Variants in KCNH7 observed in about 807,000 individuals in gnomAD.
KCNH7 encodes voltage-gated inwardly rectifying potassium channel KCNH7.
KCNH7 carries 49 observed loss-of-function variants against 120.8 expected under a neutral mutation model. That is an observed-to-expected ratio of 0.41 (90% confidence interval 0.32 to 0.51). The LOEUF (loss-of-function observed/expected upper bound fraction) is 0.51, where lower values mean the gene tolerates loss of function less well. Ranked by LOEUF, KCNH7 falls within the 20% of genes least tolerant of loss-of-function variation. The pLI is 0.38. For missense variants in KCNH7, 1,097 were observed against 1,446.6 expected (o/e 0.76, Z 3.92); for synonymous variants, 547 against 516.1 (o/e 1.06, Z -0.81).
intron 2 of KCNH7, among the ~76,000 whole-genome samples, chr2:162,704,037 A>T (rs1266076465): frequency 6.6e-6 from 1 of 152,144 alleles, no homozygotes; most frequent in Non-Finnish European, 1.5e-5. Flanking sequence ...TAATACTGTG[A>T]TTTCTGCTAC....
chr2:162,434,590 T>G (rs1055744540), intron 8 of KCNH7, among the ~76,000 whole-genome samples: 2 of 151,950 alleles, frequency 1.3e-5, no homozygotes, highest in Non-Finnish European at 2.9e-5. Context: ...ATGATGCTCA[T>G]GACATTAACC....
chr2:162,609,587 T>G (rs1357797548), intron 2 of KCNH7, among the ~76,000 whole-genome samples: 2 of 152,178 alleles, frequency 1.3e-5, no homozygotes, highest in African/African-American at 4.8e-5. Context: ...TGAAGGCATT[T>G]TAGGTATTTT....
At chr2:162,425,866 T>A (rs13405962) in intron 8 of KCNH7, among the ~76,000 whole-genome samples, 22,444 of 152,052 alleles carry the variant, frequency 0.15, 4,395 homozygotes, top group African/African-American at 0.44. Flanking sequence ...ATTTCCCACT[T>A]GCTGTCAAGA....
intron 2 of KCNH7, among the ~76,000 whole-genome samples, chr2:162,708,053 C>A (rs1007847128): frequency 6.6e-6 from 1 of 152,044 alleles, no homozygotes; most frequent in African/African-American, 2.4e-5. Flanking sequence ...TTAATTTCCA[C>A]AGTAAAATAT....
intron 2 of KCNH7, among the ~76,000 whole-genome samples, chr2:162,778,653 A>G (rs180686006): frequency 2.8e-4 from 42 of 151,516 alleles, no homozygotes; most frequent in Admixed American, 1.6e-3. Context: ...TATCAAAAGT[A>G]TATTTTATCA....
At chr2:162,663,912 C>A (rs1428317311) in intron 2 of KCNH7, among the ~76,000 whole-genome samples, 1 of 152,138 alleles carries the variant, frequency 6.6e-6, no homozygotes, top group East Asian at 1.9e-4. Flanking sequence ...TGCCTTACTG[C>A]AGAAACCATG....
At chr2:162,533,358 A>G (rs893389106) in intron 3 of KCNH7, among the ~76,000 whole-genome samples, 2 of 151,832 alleles carry the variant, frequency 1.3e-5, no homozygotes, top group Non-Finnish European at 2.9e-5. Flanking sequence ...GTTATAATCA[A>G]TTAACGTAGA....
At chr2:162,638,806 C>T (rs980404440) in intron 2 of KCNH7, among the ~76,000 whole-genome samples, 4 of 151,992 alleles carry the variant, frequency 2.6e-5, no homozygotes, top group Admixed American at 6.6e-5. Flanking sequence ...GGAGACCAAT[C>T]GATAAGAGGG....
At chr2:162,470,548 C>G (rs974841298) in intron 6 of KCNH7, among the ~76,000 whole-genome samples, 1 of 151,992 alleles carries the variant, frequency 6.6e-6, no homozygotes, top group East Asian at 1.9e-4. Context: ...CGTCTCCGCC[C>G]GGCAGCCACC....
intron 2 of KCNH7, among the ~76,000 whole-genome samples, chr2:162,561,273 T>C (rs1693055473): frequency 6.6e-6 from 1 of 152,236 alleles, no homozygotes; most frequent in Admixed American, 6.5e-5. Flanking sequence ...CTGTGGCTGT[T>C]GCTTTTGCTA....
Position 162,838,694 on chromosome 2 carries a change from G to A in KCNH7, c.-176C>T. On this transcript the variant is annotated 5_prime_UTR_variant, in exon 1 of 16. Coordinates refer to ENST00000332142, the MANE Select transcript of KCNH7 (RefSeq NM_033272.4). ...TTCTAGACACCCGCTTTCCCCACCG[G>A]AGTCCAATCCATTCCCCTCACCTTC... 2.0e-6 allele frequency: 1 copy of A among 509,036 alleles called. No homozygotes were observed. The allele number at this position is 509,036 out of a possible 1,614,324, so 31.5% of individuals were successfully genotyped here. A position where few individuals can be genotyped will look rare whatever the true frequency, so the allele number is the denominator to read the frequency against.
chr2:162,721,570 T>C (rs1168145079), intron 2 of KCNH7, among the ~76,000 whole-genome samples: 1 of 152,112 alleles, frequency 6.6e-6, no homozygotes, highest in Non-Finnish European at 1.5e-5. Context: ...GTGAGAAAAA[T>C]TGTGTAATAC....
intron 2 of KCNH7, among the ~76,000 whole-genome samples, chr2:162,546,426 T>C (rs1400526386): frequency 6.6e-6 from 1 of 152,182 alleles, no homozygotes; most frequent in African/African-American, 2.4e-5. Flanking sequence ...CCCACTAAAC[T>C]GCCATTTGTT....
chr2:162,383,292 T>C (rs961462730), intron 13 of KCNH7, among the ~76,000 whole-genome samples: 1 of 151,982 alleles, frequency 6.6e-6, no homozygotes, highest in Non-Finnish European at 1.5e-5. Flanking sequence ...CTGTTTCTAT[T>C]TTTAGCACTT....
chr2:162,638,245 A>T (rs988699897), intron 2 of KCNH7, among the ~76,000 whole-genome samples: 3 of 152,052 alleles, frequency 2.0e-5, no homozygotes, highest in Non-Finnish European at 4.4e-5. Flanking sequence ...GAGGCACATA[A>T]AATTAGATTC....
Position 162,396,903 on chromosome 2 carries a change from T to C in KCNH7, c.2450A>G (p.Lys817Arg). ...TACATCTGCATTAGACTTTCCAGGTTTGGCATAAAGATGAACCATTTCTCC... is the reference window on the plus strand; with the variant it reads ...TACATCTGCATTAGACTTTCCAGGTCTGGCATAAAGATGAACCATTTCTCC... ...IFGEMVHLYAKPGKSNADVRA... is the reference protein window; with the variant it reads ...IFGEMVHLYARPGKSNADVRA... Residue 817 changes from lysine to arginine, a missense_variant, in exon 11 of 16, where the codon AAA becomes AGA. Physicochemically the swap from Lys to Arg is conservative, Grantham distance 26. This residue lies in a region of KCNH7 where 101 missense variants were observed against 176.3 expected (regional missense o/e 0.57). Transcript: ENST00000332142. 9 of 1,611,364 alleles carry C rather than the reference T, an allele frequency of 5.6e-6. No homozygotes were observed. The highest frequency in any genetic ancestry group is 7.6e-6 in the Non-Finnish European group (9 of 1,178,338).
At chr2:162,533,137 T>C (rs1040420947) in intron 3 of KCNH7, among the ~76,000 whole-genome samples, 7 of 151,702 alleles carry the variant, frequency 4.6e-5, no homozygotes, top group Non-Finnish European at 1.0e-4. Flanking sequence ...CATTTTCTTA[T>C]AAAGATAACT....
intron 9 of KCNH7, among the ~76,000 whole-genome samples, chr2:162,406,449 AATG>A (rs751310644): frequency 6.6e-6 from 1 of 151,964 alleles, no homozygotes; most frequent in Non-Finnish European, 1.5e-5. Context: ...GAGTGTGGCA[AATG>A]ACTCCTCTAA....
chr2:162,563,509 A>G (rs912427965), intron 2 of KCNH7, among the ~76,000 whole-genome samples: 5 of 151,718 alleles, frequency 3.3e-5, no homozygotes, highest in African/African-American at 1.2e-4. Context: ...CTAGCTTATA[A>G]TAATCTAGAG....
Sources: allele counts gnomAD v4.1 joint callset (sites outside exome capture counted in the v4.1 genomes callset), GRCh38; gene constraint gnomAD v4.1.1; regional missense constraint gnomAD v4.1.1; transcripts MANE v1.5; gene names NCBI Gene and HGNC (gene_info 2026-07-23, HGNC 2026-07-21).